The following TEC variants were observed in gnomAD, a reference collection of about 807,000 sequenced individuals.
The protein encoded by TEC is tyrosine-protein kinase Tec.
TEC carries 72 observed loss-of-function variants against 93.0 expected under a neutral mutation model. That is an observed-to-expected ratio of 0.77 (90% CI 0.64 to 0.94). TEC has a LOEUF of 0.94. Among genes scored for constraint, TEC ranks in the 40% least tolerant of loss-of-function variants. The pLI is 0.00. For missense variants in TEC, 630 were observed against 757.9 expected (o/e 0.83, Z 1.98); for synonymous variants, 249 against 247.7 (o/e 1.01, Z -0.05).
At chr4:48,147,284 A>G (rs1272185691) in intron 11 of TEC, among the ~76,000 whole-genome samples, 1 of 152,218 alleles carries the variant, frequency 6.6e-6, no homozygotes, top group Non-Finnish European at 1.5e-5. Flanking sequence ...ACCCAAAAGA[A>G]ATGAAAACAT....
intron 3 of TEC, among the ~76,000 whole-genome samples, chr4:48,173,376 G>A (rs1721192346): frequency 6.6e-6 from 1 of 152,130 alleles, no homozygotes; most frequent in South Asian, 2.1e-4. Flanking sequence ...TAGCTAACTT[G>A]GGGCATTTGT....
intron 2 of TEC, among the ~76,000 whole-genome samples, chr4:48,214,134 G>A (rs1722996219): frequency 6.6e-6 from 1 of 152,144 alleles, no homozygotes; most frequent in African/African-American, 2.4e-5. Flanking sequence ...GCTAATGGGT[G>A]CGAGGTATTG....
At chr4:48,152,583 T>C (rs922633461) in intron 9 of TEC, among the ~76,000 whole-genome samples, 1 of 152,210 alleles carries the variant, frequency 6.6e-6, no homozygotes, top group Non-Finnish European at 1.5e-5. Flanking sequence ...ATAGGTACTA[T>C]TGTTATTCCC....
intron 3 of TEC, among the ~76,000 whole-genome samples, chr4:48,171,923 A>G (rs767924550): frequency 3.9e-5 from 6 of 152,224 alleles, no homozygotes; most frequent in Non-Finnish European, 7.3e-5. Context: ...TCCTGCCATC[A>G]AGGTACGAGT....
intron 8 of TEC, among the ~76,000 whole-genome samples, chr4:48,158,915 C>T (rs1302294786): frequency 6.6e-6 from 1 of 152,048 alleles, no homozygotes; most frequent in Non-Finnish European, 1.5e-5. Context: ...AAGGATGTTC[C>T]CTTCTTTGGG....
At chr4:48,190,876 T>C (rs1042365142) in intron 2 of TEC, among the ~76,000 whole-genome samples, 3 of 152,228 alleles carry the variant, frequency 2.0e-5, no homozygotes, top group African/African-American at 4.8e-5. Flanking sequence ...ACTTGTAAAG[T>C]TGACTGACTT....
At chr4:48,207,762 T>C (rs1369927972) in intron 2 of TEC, among the ~76,000 whole-genome samples, 1 of 152,136 alleles carries the variant, frequency 6.6e-6, no homozygotes, top group African/African-American at 2.4e-5. Flanking sequence ...CACTCCAGCC[T>C]GGGCGACAGA....
At chr4:48,246,859 T>C (rs1322809767) in intron 1 of TEC, among the ~76,000 whole-genome samples, 1 of 152,182 alleles carries the variant, frequency 6.6e-6, no homozygotes, top group Non-Finnish European at 1.5e-5. Flanking sequence ...GTTTCTTAAA[T>C]ATGACATCAA....
chr4:48,257,173 TATA>T (rs1175943542), intron 1 of TEC, among the ~76,000 whole-genome samples: 7 of 152,204 alleles, frequency 4.6e-5, no homozygotes, highest in African/African-American at 1.7e-4. Context: ...TACATGAAAT[TATA>T]ATATTTTTAT....
intron 1 of TEC, among the ~76,000 whole-genome samples, chr4:48,254,963 G>A (rs1402337490): frequency 5.9e-5 from 9 of 152,166 alleles, no homozygotes; most frequent in Admixed American, 5.9e-4. Flanking sequence ...TAGGCACGAA[G>A]GCCAAAAAAG....
chr4:48,148,664 C>T (rs373276395), intron 11 of TEC, among the ~76,000 whole-genome samples: 148 of 152,176 alleles, frequency 9.7e-4, no homozygotes, highest in Non-Finnish European at 1.7e-3. Context: ...ATATATACCA[C>T]ATAAATGTGA....
intron 4 of TEC, 31 bp downstream of exon 4, chr4:48,171,337 A>G (rs984890196): frequency 6.4e-7 from 1 of 1,558,652 alleles, no homozygotes; most frequent in Non-Finnish European, 8.8e-7. Context: ...TCCTAAAATT[A>G]TATACAGAGT....
At chr4:48,242,806 C>T (rs921998743) in intron 1 of TEC, among the ~76,000 whole-genome samples, 4 of 152,250 alleles carry the variant, frequency 2.6e-5, no homozygotes, top group Admixed American at 2.6e-4. Context: ...TTTTTATCTA[C>T]CATTATTCTA....
At position 48,137,227 on chromosome 4, in the gene TEC, T is replaced by C. The variant is rs1211922169; in HGVS notation, c.*189A>G. ...TTTAATCACCATTTCTAAGGCAACA[T>C]TTCCACACTCTGGGAGATTCTGTCT... is the stretch of plus-strand genomic sequence containing the variant. On this transcript the variant is annotated 3_prime_UTR_variant, in exon 18 of 18. Coordinates refer to ENST00000381501, the MANE Select transcript of TEC (RefSeq NM_003215.3). 5.0e-5 allele frequency: 29 copies of C among 575,510 alleles called. No homozygotes were observed. Among genetic ancestry groups the C allele is most frequent in the Non-Finnish European group, 8.6e-5 (28 of 324,508 alleles). The allele number at this position is 575,510 out of a possible 1,614,324, so 35.7% of individuals were successfully genotyped here.
intron 1 of TEC, among the ~76,000 whole-genome samples, chr4:48,253,086 A>G (rs1724249239): frequency 6.6e-6 from 1 of 152,036 alleles, no homozygotes; most frequent in African/African-American, 2.4e-5. Context: ...CCTCGTTAAC[A>G]TCTCCCAGAG....
chr4:48,194,367 T>C (rs1278277922), intron 2 of TEC, among the ~76,000 whole-genome samples: 1 of 152,240 alleles, frequency 6.6e-6, no homozygotes, highest in Non-Finnish European at 1.5e-5. Context: ...GCTAGGGAAC[T>C]GCGAAAGCAG....
intron 9 of TEC, 142 bp from the exon 10 acceptor site, chr4:48,151,084 C>T (rs1577701790): frequency 3.8e-6 from 2 of 520,558 alleles, no homozygotes; most frequent in Non-Finnish European, 6.6e-6. Context: ...CACAACTTAC[C>T]AGTAGGGCCC....
rs543420319 is a variant in TEC at position 48,149,610 on chromosome 4, T to C, written c.953A>G (p.His318Arg). 1.2e-6 allele frequency: 2 copies of C among 1,612,498 alleles called. No individual in the cohort carries two copies. Among genetic ancestry groups the C allele is most frequent in the East Asian group, 2.2e-5 (1 of 44,686 alleles). ...SPKKYYLAEK[H>R]AFGSIPEIIE... ...AATCTCAGGAATGGAGCCAAAAGCA[T>C]GTTTTTCAGCTAGGTAATACTTCTT... is the stretch of plus-strand genomic sequence containing the variant. Residue 318 changes from histidine to arginine, a missense_variant, in exon 11 of 18, where the codon CAT becomes CGT. Around this residue, in one of 3 missense-constraint regions of TEC, gnomAD observed 289 missense variants for 390.0 expected, o/e 0.74. Transcript: ENST00000381501.
chr4:48,260,480 G>A (rs1287901657), intron 1 of TEC, among the ~76,000 whole-genome samples: 2 of 152,166 alleles, frequency 1.3e-5, no homozygotes, highest in Non-Finnish European at 2.9e-5. Context: ...TAGCTACTCA[G>A]GAGGCTGAAG....
Sources: gnomAD v4.1 joint callset for allele counts (sites outside exome capture counted in the v4.1 genomes callset) on GRCh38, gnomAD v4.1.1 for gene constraint, gnomAD v4.1.1 regional missense constraint, MANE v1.5 for transcripts, NCBI Gene and HGNC (gene_info 2026-07-23, HGNC 2026-07-21) for gene names.